Variants in RPH3AL observed in about 807,000 individuals in gnomAD.
RPH3AL encodes the protein rab effector Noc2.
In RPH3AL, 38 loss-of-function variants were observed where a neutral mutation model predicts 43.1. That is an observed-to-expected ratio of 0.88 (90% CI 0.68 to 1.15). The LOEUF is 1.15. Among genes scored for constraint, RPH3AL ranks in the 50% most tolerant of loss-of-function variants. The pLI is 0.00. For missense variants in RPH3AL, 462 were observed against 423.2 expected, an observed-to-expected ratio of 1.09 and a Z score of -0.81; for synonymous variants, 189 against 176.3, an observed-to-expected ratio of 1.07 and a Z score of -0.57.
chr17:245,711 G>C lies in RPH3AL; in HGVS notation c.613+1400C>G, dbSNP rs910080075. The stretch of plus-strand genomic sequence containing the variant: ...AGGTCCAAGGGTGGCAGAGGGACCA[G>C]GTGGAGGACCGCCACTTCTCCAGCC... On this transcript the variant is annotated intron_variant, in intron 7 of 9. Transcript: ENST00000331302. The surrounding 1 kb of genome is among the most constrained non-coding windows in gnomAD (Gnocchi z 5.9). 6.6e-6 allele frequency among the ~76,000 whole-genome samples: 1 copy of C among 152,142 alleles called. No homozygotes were observed. Among genetic ancestry groups the C allele is most frequent in the African/African-American group, 2.4e-5 (1 of 41,426 alleles).
intron 6 of RPH3AL, 94 bp downstream of exon 6, chr17:281,674 C>G: frequency 3.3e-6 from 2 of 604,626 alleles, no homozygotes; most frequent in South Asian, 2.1e-5. Flanking sequence ...GCCCGCCCAG[C>G]CCTCCCCACC....
Position 289,555 on chromosome 17 carries a change from C to G in RPH3AL, c.352-7701G>C, listed in dbSNP as rs1381459126. Among the ~76,000 whole-genome samples the G allele has an allele frequency of 6.6e-6, 1 of 152,184 alleles. No homozygotes were observed. Among genetic ancestry groups the G allele is most frequent in the African/African-American group, 2.4e-5 (1 of 41,434 alleles). On this transcript the variant is annotated intron_variant, in intron 5 of 9. Transcript: ENST00000331302. The surrounding 1 kb of genome is among the most constrained non-coding windows in gnomAD (Gnocchi z 5.2). ...CAGCCAGGCCGATTTTCTCAAGAGG[C>G]AAATCTAATCATGTCACCTCTCCCA...
chr17:231,212 C>A (rs1398188938), intron 7 of RPH3AL, among the ~76,000 whole-genome samples: 2 of 152,216 alleles, frequency 1.3e-5, no homozygotes, highest in Non-Finnish European at 2.9e-5. Flanking sequence ...CAGGGCACTG[C>A]TTTCTTGGCC....
At chr17:279,873 G>A (rs2042737152) in intron 6 of RPH3AL, among the ~76,000 whole-genome samples, 1 of 152,314 alleles carries the variant, frequency 6.6e-6, no homozygotes, top group South Asian at 2.1e-4. Flanking sequence ...GAATATCTAT[G>A]CTGGAGGTTT....
chr17:315,592 T>A (rs1395484955), intron 5 of RPH3AL, among the ~76,000 whole-genome samples: 638 of 149,408 alleles, frequency 4.3e-3, no homozygotes, highest in African/African-American at 0.015. Context: ...GTAGTCCCTG[T>A]GCTCCACCTC....
At chr17:237,854 A>C (rs2041435656) in intron 7 of RPH3AL, among the ~76,000 whole-genome samples, 1 of 152,180 alleles carries the variant, frequency 6.6e-6, no homozygotes, top group South Asian at 2.1e-4. Flanking sequence ...GGCAGGCAGA[A>C]ATGACACAGC....
chr17:225,946 T>G lies in RPH3AL; in HGVS notation c.614-6210A>C, dbSNP rs891594465. On this transcript the variant is annotated intron_variant, in intron 7 of 9. Transcript: ENST00000331302. The surrounding 1 kb of genome is among the most constrained non-coding windows in gnomAD (Gnocchi z 4.4). Reference sequence around the variant, plus strand: ...CCCCACTCTTCCTTGTTCTGTCATCTATCACACATGGTCACAGAGTTGGGC... The same window carrying G: ...CCCCACTCTTCCTTGTTCTGTCATCGATCACACATGGTCACAGAGTTGGGC... 1.3e-5 allele frequency among the ~76,000 whole-genome samples: 2 copies of G among 152,242 alleles called. No individual in the cohort carries two copies. Among genetic ancestry groups the G allele is most frequent in the African/African-American group, 4.8e-5 (2 of 41,468 alleles).
Position 346,293 on chromosome 17 carries a change from G to A in RPH3AL, c.-213+6419C>T, listed in dbSNP as rs143318299. On this transcript the variant is annotated intron_variant, in intron 1 of 9. Coordinates refer to ENST00000331302, the MANE Select transcript of RPH3AL (RefSeq NM_006987.4). ...CTATGTGTGTTTGGGGCCTTTTCCC[G>A]TCCCAGTTGTGTTAGTCCGTTTTCA... Among the ~76,000 whole-genome samples, 19 of 134,804 alleles carry A rather than the reference G, an allele frequency of 1.4e-4. 3 individuals are homozygous for A. The South Asian group carries it at 1.5e-3, about 10-fold the overall frequency. The allele number at this position is 134,804 out of a possible 152,430, so 88.4% of individuals were successfully genotyped here. A position where few individuals can be genotyped will look rare whatever the true frequency, so the allele number is the denominator to read the frequency against.
intron 6 of RPH3AL, among the ~76,000 whole-genome samples, chr17:278,750 T>G (rs2042715224): frequency 6.6e-6 from 1 of 152,150 alleles, no homozygotes; most frequent in African/African-American, 2.4e-5. Context: ...AAGAGCTATT[T>G]TGCCTGGCAC....
chr17:337,067 A>G (rs550230408), intron 1 of RPH3AL, among the ~76,000 whole-genome samples: 5 of 152,214 alleles, frequency 3.3e-5, no homozygotes, highest in African/African-American at 1.2e-4. Context: ...GGACTAATTT[A>G]ACCGTCAAGA....
rs927797105 is a variant in RPH3AL, at chr17:224,318, C to T, written c.614-4582G>A. Among the ~76,000 whole-genome samples the T allele has an allele frequency of 2.6e-5, 4 of 151,774 alleles. No individual in the cohort carries two copies. In the East Asian group the frequency reaches 7.7e-4, roughly 29 times the overall value. On this transcript the variant is annotated intron_variant, in intron 7 of 9. Coordinates refer to ENST00000331302, the MANE Select transcript of RPH3AL (RefSeq NM_006987.4). Reference sequence around the variant, plus strand: ...TGTCTACTTTTCCTCCTGCATCCCACGCCACCTGCTGTCTCACCCTGGGTG... The same window carrying T: ...TGTCTACTTTTCCTCCTGCATCCCATGCCACCTGCTGTCTCACCCTGGGTG...
chr17:215,525 C>T lies in RPH3AL; in HGVS notation c.876+129G>A. The stretch of plus-strand genomic sequence containing the variant: ...GGGTCTGGCTCACCTTGTTCCCCCG[C>T]ACAGTGCTTGGTAAACAACATGCAG... On this transcript the variant is annotated intron_variant, in intron 9 of 9. Coordinates refer to ENST00000331302, the MANE Select transcript of RPH3AL (RefSeq NM_006987.4). The surrounding 1 kb of genome is among the most constrained non-coding windows in gnomAD (Gnocchi z 4.1). 1 of 882,174 alleles carries T rather than the reference C, an allele frequency of 1.1e-6. No homozygotes were observed. The highest frequency in any genetic ancestry group is 1.5e-6 in the Non-Finnish European group (1 of 666,946). The allele number at this position is 882,174 out of a possible 1,614,324, so 54.6% of individuals were successfully genotyped here.
rs569427664 is a variant in RPH3AL at position 225,637 on chromosome 17, C to T, written c.614-5901G>A. On this transcript the variant is annotated intron_variant, in intron 7 of 9. Coordinates refer to ENST00000331302, the MANE Select transcript of RPH3AL (RefSeq NM_006987.4). This position sits in a 1 kb window ranked among gnomAD's most constrained non-coding sequence, Gnocchi z 4.4. ...GGTGTCCAGCAGGAGGACAGTCCTG[C>T]GGAGGGTGGGGTGGCTCGTCTGCAC... Among the ~76,000 whole-genome samples, 181 of 152,260 alleles carry T rather than the reference C, an allele frequency of 1.2e-3. No homozygotes were observed. Among genetic ancestry groups the T allele is most frequent in the Non-Finnish European group, 1.9e-3 (129 of 68,020 alleles).
chr17:265,853 T>TG (rs11385938), intron 6 of RPH3AL, among the ~76,000 whole-genome samples: 79,046 of 152,060 alleles, frequency 0.52, 20,642 homozygotes, highest in South Asian at 0.69. Flanking sequence ...TCTTCTCTCC[T>TG]TGTGAGTGTT....
At chr17:331,056 T>TGAGGGAGGC (rs58116051) in intron 2 of RPH3AL, 18,128 of 146,170 alleles carry the variant, frequency 0.12, 1,117 homozygotes, top group Middle Eastern at 0.16. Context: ...CTGAGTTACA[T>TGAGGGAGGC]GAGGGAGGCG....
chr17:338,873 G>A (rs2045034816), intron 1 of RPH3AL: 1 of 152,286 alleles, frequency 6.6e-6, no homozygotes, highest in African/African-American at 2.4e-5. Flanking sequence ...CACCCGCTTG[G>A]AAAAGGCCCA....
chr17:262,250 G>A (rs1448693483), intron 6 of RPH3AL, among the ~76,000 whole-genome samples: 3 of 151,860 alleles, frequency 2.0e-5, no homozygotes, highest in Admixed American at 6.6e-5. Context: ...ATGGTGTCTC[G>A]CTCTGTCACC....
intron 6 of RPH3AL, among the ~76,000 whole-genome samples, chr17:267,344 T>C (rs1224872091): frequency 6.6e-6 from 1 of 152,212 alleles, no homozygotes; most frequent in Non-Finnish European, 1.5e-5. Context: ...ACAATGGTGA[T>C]TGGCTGCGAA....
intron 7 of RPH3AL, among the ~76,000 whole-genome samples, chr17:242,970 A>ACCTTCCTCTATTGATTAC (rs2041606664): frequency 7.8e-6 from 1 of 127,506 alleles, no homozygotes; most frequent in Non-Finnish European, 1.8e-5. Flanking sequence ...TCTATTGACT[A>ACCTTCCTCTATTGATTAC]CCTTCCTCTA....
Sources: gnomAD v4.1 joint callset for allele counts (sites outside exome capture counted in the v4.1 genomes callset) on GRCh38, gnomAD v4.1.1 for gene constraint, Gnocchi (gnomAD v3.1) non-coding constraint, MANE v1.5 for transcripts, NCBI Gene and HGNC (gene_info 2026-07-23, HGNC 2026-07-21) for gene names.